Variants in DNAH14 observed in about 807,000 individuals in gnomAD.
DNAH14 encodes the protein dynein axonemal heavy chain 14.
In DNAH14, 478 loss-of-function variants were observed where a neutral mutation model predicts 520.9. The observed-to-expected ratio is 0.92, with a 90% CI of 0.85 to 0.99. The LOEUF (loss-of-function observed/expected upper bound fraction) is 0.99, where lower values mean the gene tolerates loss of function less well. Ranked by LOEUF, DNAH14 falls within the 50% of genes least tolerant of loss-of-function variation. The pLI, the probability that DNAH14 is intolerant of heterozygous loss-of-function variation, is 0.00. For synonymous variants in DNAH14, 1,581 were observed against 1,757.2 expected (o/e 0.90, Z 2.51); for missense variants, 4,831 against 5,234.5 (o/e 0.92, Z 2.38).
intron 73 of DNAH14, among the ~76,000 whole-genome samples, chr1:225,356,741 G>T (rs1442042008): frequency 6.6e-6 from 1 of 152,148 alleles, no homozygotes; most frequent in Non-Finnish European, 1.5e-5. Context: ...TATCTAGGGA[G>T]TAAGACCTTC....
chr1:225,196,989 T>G (rs912506826), intron 38 of DNAH14, among the ~76,000 whole-genome samples: 9 of 152,248 alleles, frequency 5.9e-5, no homozygotes, highest in Non-Finnish European at 1.0e-4. Flanking sequence ...TCTCCCACTC[T>G]GTGGGTTGTC....
At chr1:225,393,825 G>GT (rs1220116893) in intron 84 of DNAH14, among the ~76,000 whole-genome samples, 2,008 of 125,542 alleles carry the variant, frequency 0.016, 45 homozygotes, top group African/African-American at 0.057. Flanking sequence ...TTTTTTTTTT[G>GT]TTTTTTTTTT....
At chr1:225,361,805 G>A (rs2095495278) in intron 75 of DNAH14, among the ~76,000 whole-genome samples, 1 of 152,080 alleles carries the variant, frequency 6.6e-6, no homozygotes, top group Non-Finnish European at 1.5e-5. Context: ...TAACTGTTTG[G>A]GGCCAGGAGT....
intron 44 of DNAH14, 57 bp from the exon 45 acceptor site, chr1:225,257,903 A>G (rs1176783191): frequency 9.5e-7 from 1 of 1,050,500 alleles, no homozygotes; most frequent in South Asian, 1.6e-5. Context: ...AAAAAAAAAG[A>G]TGAGGTGAAT....
chr1:225,303,082 T>C (rs923707394), intron 56 of DNAH14, 74 bp from the exon 57 acceptor site: 8 of 1,116,590 alleles, frequency 7.2e-6, no homozygotes. Flanking sequence ...ATGTTTTCCA[T>C]GGAATTTTTA....
intron 1 of DNAH14, among the ~76,000 whole-genome samples, chr1:224,946,808 G>T (rs1424126862): frequency 6.8e-6 from 1 of 146,656 alleles, no homozygotes; most frequent in Non-Finnish European, 1.5e-5. Flanking sequence ...GTCAGGAAAT[G>T]AATCTAATTT....
intron 34 of DNAH14, among the ~76,000 whole-genome samples, chr1:225,154,527 A>T (rs1559122109): frequency 6.6e-6 from 1 of 152,080 alleles, no homozygotes; most frequent in Non-Finnish European, 1.5e-5. Context: ...AAAGCAAACC[A>T]TTGGAACAGT....
intron 43 of DNAH14, among the ~76,000 whole-genome samples, chr1:225,247,955 C>A (rs542326788): frequency 3.3e-5 from 5 of 152,062 alleles, no homozygotes; most frequent in African/African-American, 1.2e-4. Flanking sequence ...GGAGGTGGAG[C>A]TTACAGTGAG....
chr1:225,374,145 C>CTATATATATATA (rs71170080), intron 77 of DNAH14, among the ~76,000 whole-genome samples: 1,030 of 32,708 alleles, frequency 0.031, 90 homozygotes, highest in East Asian at 0.039. Flanking sequence ...TTGTGTCTTA[C>CTATATATATATA]TATATATATA....
At chr1:225,319,125 A>G (rs1049233367) in intron 61 of DNAH14, among the ~76,000 whole-genome samples, 2 of 152,330 alleles carry the variant, frequency 1.3e-5, no homozygotes, top group Middle Eastern at 3.4e-3. Flanking sequence ...GTACTAACAC[A>G]TATCTGAGAC....
intron 79 of DNAH14, among the ~76,000 whole-genome samples, chr1:225,378,470 T>C (rs1434273459): frequency 6.6e-6 from 1 of 152,218 alleles, no homozygotes; most frequent in South Asian, 2.1e-4. Flanking sequence ...CCTCAGGCGA[T>C]CTGTAAACTG....
intron 83 of DNAH14, among the ~76,000 whole-genome samples, chr1:225,391,860 A>T (rs777848519): frequency 1.3e-5 from 2 of 152,062 alleles, no homozygotes; most frequent in African/African-American, 2.4e-5. Flanking sequence ...GAGGCAACAG[A>T]GCCTTCCTTT....
At chr1:224,970,569 T>C (rs1218132021) in intron 7 of DNAH14, among the ~76,000 whole-genome samples, 4 of 152,182 alleles carry the variant, frequency 2.6e-5, no homozygotes, top group Non-Finnish European at 4.4e-5. Flanking sequence ...CGACATGTGA[T>C]GTCTGCCCCG....
intron 15 of DNAH14, among the ~76,000 whole-genome samples, chr1:225,048,162 G>A (rs1022573661): frequency 1.3e-5 from 2 of 152,112 alleles, no homozygotes; most frequent in African/African-American, 2.4e-5. Flanking sequence ...TGCATATGTA[G>A]CTTTTTGGAT....
intron 36 of DNAH14, among the ~76,000 whole-genome samples, chr1:225,181,585 G>T (rs1182923790): frequency 2.0e-5 from 3 of 152,112 alleles, no homozygotes; most frequent in Non-Finnish European, 4.4e-5. Context: ...AGTGATGTGA[G>T]CATTTTTTCA....
At chr1:225,318,028 G>A (rs1475534025) in intron 60 of DNAH14, among the ~76,000 whole-genome samples, 1 of 152,168 alleles carries the variant, frequency 6.6e-6, no homozygotes, top group African/African-American at 2.4e-5. Flanking sequence ...CAACTTTTTA[G>A]CCAGATCTCA....
intron 27 of DNAH14, among the ~76,000 whole-genome samples, chr1:225,135,344 G>T (rs775510870): frequency 6.6e-6 from 1 of 152,104 alleles, no homozygotes; most frequent in Non-Finnish European, 1.5e-5. Context: ...AGAGATTCTG[G>T]TATGTTGTCT....
chr1:224,954,951 T>A lies in DNAH14; in HGVS notation c.78-8T>A. 1.3e-6 allele frequency: 2 copies of A among 1,569,746 alleles called. No homozygotes were observed. Among genetic ancestry groups the A allele is most frequent in the Non-Finnish European group, 1.7e-6 (2 of 1,155,152 alleles). On this transcript the variant is annotated splice_region_variant and splice_polypyrimidine_tract_variant and intron_variant, in intron 2 of 85. Transcript: ENST00000682510. Reference sequence around the variant, plus strand: ...TATTTTCTTAGAATTGTTTTCTTTGTCATTTAGACTTTTAAGATATGAAGA... The same window carrying A: ...TATTTTCTTAGAATTGTTTTCTTTGACATTTAGACTTTTAAGATATGAAGA...
chr1:225,220,155 T>C (rs2089899967), intron 41 of DNAH14, among the ~76,000 whole-genome samples: 1 of 152,212 alleles, frequency 6.6e-6, no homozygotes, highest in Admixed American at 6.5e-5. Flanking sequence ...ATAGAACATA[T>C]CTCAAAATAA....
Sources: allele counts gnomAD v4.1 joint callset (sites outside exome capture counted in the v4.1 genomes callset), GRCh38; gene constraint gnomAD v4.1.1; transcripts MANE v1.5; gene names NCBI Gene and HGNC (gene_info 2026-07-23, HGNC 2026-07-21).